The following SLMAP variants were observed in gnomAD, a reference collection of about 807,000 sequenced individuals.
SLMAP encodes sarcolemmal membrane-associated protein.
In SLMAP, 44 loss-of-function variants were observed where a neutral mutation model predicts 128.8. The observed-to-expected ratio is 0.34, with a 90% CI of 0.27 to 0.44. The LOEUF (loss-of-function observed/expected upper bound fraction) is 0.44, where lower values mean the gene tolerates loss of function less well. SLMAP is among the 20% of genes least tolerant of loss of function. The pLI is 1.00. For missense variants in SLMAP, 787 were observed against 985.3 expected (o/e 0.80, Z 2.69); for synonymous variants, 327 against 348.8 (o/e 0.94, Z 0.70).
chr3:57,832,993 C>G (rs552516608), intron 3 of SLMAP, among the ~76,000 whole-genome samples: 31 of 152,324 alleles, frequency 2.0e-4, no homozygotes, highest in African/African-American at 7.5e-4. Context: ...ATCACACCTA[C>G]AAGTCATTCA....
At chr3:57,819,338 T>C (rs1219711531) in intron 2 of SLMAP, among the ~76,000 whole-genome samples, 1 of 152,192 alleles carries the variant, frequency 6.6e-6, no homozygotes, top group Non-Finnish European at 1.5e-5. Flanking sequence ...GAAAAGGCCA[T>C]CATAATTATT....
chr3:57,803,656 T>C (rs2089128146), intron 2 of SLMAP, among the ~76,000 whole-genome samples: 1 of 152,234 alleles, frequency 6.6e-6, no homozygotes, highest in Non-Finnish European at 1.5e-5. Flanking sequence ...AATCTGGTCA[T>C]GCCTTCCTCT....
intron 2 of SLMAP, among the ~76,000 whole-genome samples, chr3:57,761,292 G>GTTTTTGT (rs1401492216): frequency 8.6e-5 from 13 of 151,604 alleles, no homozygotes; most frequent in African/African-American, 1.2e-4. Flanking sequence ...TTTTGTTTTT[G>GTTTTTGT]TTTTTGTTTT....
At chr3:57,766,664 GCTCT>G (rs1350328420) in intron 2 of SLMAP, among the ~76,000 whole-genome samples, 1 of 151,554 alleles carries the variant, frequency 6.6e-6, no homozygotes, top group South Asian at 2.1e-4. Flanking sequence ...TTTTTTTCTA[GCTCT>G]CTCTTTTATT....
intron 15 of SLMAP, chr3:57,896,245 A>C: frequency 8.8e-7 from 1 of 1,138,766 alleles, no homozygotes. Flanking sequence ...TTTTGTTTCC[A>C]GTTGGCAAGT....
Position 57,762,710 on chromosome 3 carries a change from G to GTTTT in SLMAP, c.198+4881_198+4884dup, listed in dbSNP as rs752054975. Among the ~76,000 whole-genome samples, 173 of 107,760 alleles carry GTTTT rather than the reference G, an allele frequency of 1.6e-3. 2 individuals carry two copies. Among genetic ancestry groups the GTTTT allele is most frequent in the African/African-American group, 4.8e-3 (130 of 27,216 alleles). The allele number at this position is 107,760 out of a possible 152,430, so 70.7% of individuals were successfully genotyped here. A position where few individuals can be genotyped will look rare whatever the true frequency, so the allele number is the denominator to read the frequency against. On this transcript the variant is annotated intron_variant, in intron 2 of 24. Coordinates refer to ENST00000671191, the MANE Select transcript of SLMAP (RefSeq NM_001377540.1). The stretch of plus-strand genomic sequence containing the variant: ...AAATTAGATGGCAGATAGTAGAATG[G>GTTTT]TTTTTTTTTTTTTTTTTTTTTTTGA...
intron 4 of SLMAP, among the ~76,000 whole-genome samples, chr3:57,841,768 A>G (rs1431251748): frequency 6.6e-6 from 1 of 152,156 alleles, no homozygotes; most frequent in Non-Finnish European, 1.5e-5. Flanking sequence ...TCACAATCTT[A>G]TAAGACCTTG....
At chr3:57,808,761 A>C (rs1304492244) in intron 2 of SLMAP, among the ~76,000 whole-genome samples, 1 of 152,200 alleles carries the variant, frequency 6.6e-6, no homozygotes. Flanking sequence ...GTTCTATAGA[A>C]GTCTATTAGG....
intron 17 of SLMAP, among the ~76,000 whole-genome samples, chr3:57,906,675 ATAT>A (rs373909169): frequency 0.22 from 26,771 of 122,452 alleles, 3,168 homozygotes; most frequent in Non-Finnish European, 0.29. Context: ...TGAAAAAAAA[ATAT>A]ATATATATAT....
intron 2 of SLMAP, among the ~76,000 whole-genome samples, chr3:57,830,375 A>G (rs1434574915): frequency 1.3e-5 from 2 of 152,208 alleles, no homozygotes; most frequent in Non-Finnish European, 2.9e-5. Flanking sequence ...GTATATTTTG[A>G]TATATAGTGT....
chr3:57,772,463 A>G (rs532978542), intron 2 of SLMAP, among the ~76,000 whole-genome samples: 1 of 152,208 alleles, frequency 6.6e-6, no homozygotes, highest in Admixed American at 6.5e-5. Flanking sequence ...ATCGTGCCAC[A>G]GAAGTGGCGT....
rs2096798169 is a variant in SLMAP at position 57,915,824 on chromosome 3, A to AG, written c.2139-1082_2139-1081insG. On this transcript the variant is annotated intron_variant, in intron 21 of 24. Coordinates refer to ENST00000671191, the MANE Select transcript of SLMAP (RefSeq NM_001377540.1). ...GTTCACACATATCAAGCTGTTCTCCACATATGTTGTAAGTCAGATTTTTTT... is the reference window on the plus strand; with the variant it reads ...GTTCACACATATCAAGCTGTTCTCCAGCATATGTTGTAAGTCAGATTTTTTT... Among the ~76,000 whole-genome samples, 4 of 152,302 alleles carry AG rather than the reference A, an allele frequency of 2.6e-5. No homozygotes were observed. The East Asian group carries it at 7.7e-4, about 29-fold the overall frequency.
intron 2 of SLMAP, among the ~76,000 whole-genome samples, chr3:57,778,299 T>C (rs2082311227): frequency 6.6e-6 from 1 of 151,900 alleles, no homozygotes; most frequent in Non-Finnish European, 1.5e-5. Flanking sequence ...CTTGTTATAC[T>C]TTTAGTATCT....
chr3:57,815,799 A>G (rs2091779763), intron 2 of SLMAP, among the ~76,000 whole-genome samples: 1 of 152,080 alleles, frequency 6.6e-6, no homozygotes, highest in South Asian at 2.1e-4. Flanking sequence ...CTGTTTAAGT[A>G]ATTGTCAAAG....
intron 3 of SLMAP, among the ~76,000 whole-genome samples, chr3:57,837,048 T>A (rs1404654762): frequency 6.6e-6 from 1 of 152,226 alleles, no homozygotes; most frequent in Non-Finnish European, 1.5e-5. Context: ...CAATGGTGTA[T>A]CTTCCTTTGG....
intron 2 of SLMAP, among the ~76,000 whole-genome samples, chr3:57,766,503 G>T (rs1214602243): frequency 6.6e-6 from 1 of 152,074 alleles, no homozygotes; most frequent in Non-Finnish European, 1.5e-5. Flanking sequence ...CGGCTGAAAC[G>T]TTCTAAGTTT....
intron 6 of SLMAP, among the ~76,000 whole-genome samples, chr3:57,854,215 T>G (rs894364376): frequency 1.3e-5 from 2 of 151,202 alleles, no homozygotes; most frequent in Admixed American, 6.6e-5. Context: ...TTTGGTATAT[T>G]AATTACTGCT....
At chr3:57,797,123 A>C (rs1471266643) in intron 2 of SLMAP, among the ~76,000 whole-genome samples, 3 of 149,398 alleles carry the variant, frequency 2.0e-5, no homozygotes. Flanking sequence ...TGGAGGTTAC[A>C]GTGAGCTATG....
intron 14 of SLMAP, among the ~76,000 whole-genome samples, chr3:57,887,633 C>G (rs2095931664): frequency 1.3e-5 from 2 of 152,188 alleles, no homozygotes; most frequent in African/African-American, 2.4e-5. Context: ...CAGATGGAGT[C>G]TTTACTATCT....
Sources: gnomAD v4.1 joint callset for allele counts (sites outside exome capture counted in the v4.1 genomes callset) on GRCh38, gnomAD v4.1.1 for gene constraint, MANE v1.5 for transcripts, NCBI Gene and HGNC (gene_info 2026-07-23, HGNC 2026-07-21) for gene names.